Variants in CTNNA3 observed in about 807,000 individuals in gnomAD.
CTNNA3 encodes the protein catenin alpha 3, also known as catenin alpha-3.
In CTNNA3, 76 loss-of-function variants were observed where a neutral mutation model predicts 95.7. The observed-to-expected ratio is 0.79, with a 90% CI of 0.66 to 0.96. CTNNA3 has a LOEUF of 0.96. CTNNA3 is among the 40% of genes least tolerant of loss of function. The pLI, the probability that CTNNA3 is intolerant of heterozygous loss-of-function variation, is 0.00. For missense variants in CTNNA3, 1,191 were observed against 1,089.8 expected (o/e 1.09, Z -1.31); for synonymous variants, 431 against 374.4 (o/e 1.15, Z -1.74).
At chr10:67,552,627 G>A (rs1026435451) in intron 3 of CTNNA3, among the ~76,000 whole-genome samples, 1 of 151,842 alleles carries the variant, frequency 6.6e-6, no homozygotes. Flanking sequence ...TAAGTATTAA[G>A]CCCAGCACCC....
intron 9 of CTNNA3, among the ~76,000 whole-genome samples, chr10:66,720,030 A>C (rs1233918184): frequency 6.6e-6 from 1 of 152,152 alleles, no homozygotes; most frequent in African/African-American, 2.4e-5. Flanking sequence ...TACATGTATG[A>C]ATGCATACAT....
chr10:66,616,208 T>A (rs1312829173), intron 10 of CTNNA3, among the ~76,000 whole-genome samples: 1 of 152,066 alleles, frequency 6.6e-6, no homozygotes, highest in Non-Finnish European at 1.5e-5. Flanking sequence ...AAGATTTGTT[T>A]GTGCCCCCCA....
intron 5 of CTNNA3, among the ~76,000 whole-genome samples, chr10:67,239,365 TAAA>T (rs11330069): frequency 1.3e-4 from 18 of 142,848 alleles, no homozygotes; most frequent in Admixed American, 2.1e-4. Context: ...CTACACGTGA[TAAA>T]AAAAAAAAAA....
intron 3 of CTNNA3, among the ~76,000 whole-genome samples, chr10:67,580,295 C>G (rs1221535650): frequency 6.6e-6 from 1 of 152,146 alleles, no homozygotes; most frequent in Non-Finnish European, 1.5e-5. Flanking sequence ...TTTCCCAGCA[C>G]CATTTATTAA....
intron 13 of CTNNA3, among the ~76,000 whole-genome samples, chr10:66,133,429 T>G (rs1271017175): frequency 6.6e-6 from 1 of 151,442 alleles, no homozygotes; most frequent in East Asian, 1.9e-4. Flanking sequence ...ACATGAGAAT[T>G]GTTTGAATGG....
intron 15 of CTNNA3, among the ~76,000 whole-genome samples, chr10:66,061,338 A>C (rs2080194860): frequency 6.6e-6 from 1 of 152,216 alleles, no homozygotes; most frequent in South Asian, 2.1e-4. Flanking sequence ...AGTTTTATGT[A>C]AGTAATTTTT....
chr10:66,290,044 A>G (rs2091653199), intron 12 of CTNNA3, among the ~76,000 whole-genome samples: 1 of 152,048 alleles, frequency 6.6e-6, no homozygotes, highest in Non-Finnish European at 1.5e-5. Context: ...TGGAAGAATG[A>G]GAGGGTGGGT....
intron 7 of CTNNA3, among the ~76,000 whole-genome samples, chr10:66,878,207 T>C (rs1016957045): frequency 1.3e-5 from 2 of 152,166 alleles, no homozygotes; most frequent in African/African-American, 4.8e-5. Flanking sequence ...TTTCTCTGTA[T>C]ACTTGTTGAA....
intron 7 of CTNNA3, among the ~76,000 whole-genome samples, chr10:67,094,321 C>T (rs1414073453): frequency 6.6e-6 from 1 of 151,774 alleles, no homozygotes; most frequent in East Asian, 1.9e-4. Context: ...TTCCAGATAG[C>T]ATAGCCTTTT....
At chr10:66,055,064 C>CT (rs549340079) in intron 15 of CTNNA3, among the ~76,000 whole-genome samples, 4 of 152,070 alleles carry the variant, frequency 2.6e-5, no homozygotes, top group Non-Finnish European at 4.4e-5. Context: ...GTTCTCTATT[C>CT]TTTTCCATTG....
intron 7 of CTNNA3, among the ~76,000 whole-genome samples, chr10:67,145,100 G>A (rs530825789): frequency 4.7e-4 from 71 of 152,300 alleles, no homozygotes; most frequent in African/African-American, 1.6e-3. Context: ...CTCTGGAGCA[G>A]TCAGAACACA....
intron 7 of CTNNA3, among the ~76,000 whole-genome samples, chr10:67,004,902 A>C (rs549500269): frequency 6.6e-6 from 1 of 152,310 alleles, no homozygotes; most frequent in African/African-American, 2.4e-5. Context: ...CTCTAGTAGA[A>C]CGCAGTATTT....
At chr10:67,121,024 A>G (rs1464664381) in intron 7 of CTNNA3, among the ~76,000 whole-genome samples, 2 of 151,996 alleles carry the variant, frequency 1.3e-5, no homozygotes, top group South Asian at 2.1e-4. Flanking sequence ...ATCTCTTTCA[A>G]TTTTACCACA....
chr10:67,476,379 C>G (rs1285305119), intron 5 of CTNNA3, among the ~76,000 whole-genome samples: 2 of 152,052 alleles, frequency 1.3e-5, no homozygotes, highest in East Asian at 3.9e-4. Flanking sequence ...GTTCAGCAGC[C>G]AGAGACACCC....
intron 1 of CTNNA3, among the ~76,000 whole-genome samples, chr10:67,739,963 T>C (rs542345075): frequency 1.3e-3 from 204 of 152,158 alleles, no homozygotes; most frequent in African/African-American, 4.8e-3. Context: ...AACAGAGATA[T>C]AGATCAATGG....
At chr10:67,580,171 G>A (rs1842332673) in intron 3 of CTNNA3, among the ~76,000 whole-genome samples, 1 of 152,032 alleles carries the variant, frequency 6.6e-6, no homozygotes, top group Admixed American at 6.6e-5. Flanking sequence ...TTTCTTCTAG[G>A]GCTCTTATGG....
chr10:66,484,787 A>G (rs1839668845), intron 11 of CTNNA3, among the ~76,000 whole-genome samples: 1 of 152,046 alleles, frequency 6.6e-6, no homozygotes, highest in Non-Finnish European at 1.5e-5. Flanking sequence ...AAAAAAACAT[A>G]TATAGGCCAA....
intron 3 of CTNNA3, among the ~76,000 whole-genome samples, chr10:67,562,814 C>A (rs549791477): frequency 6.6e-6 from 1 of 152,032 alleles, no homozygotes; most frequent in Admixed American, 6.6e-5. Flanking sequence ...AATCAATGTG[C>A]AAAAGTCACA....
intron 13 of CTNNA3, among the ~76,000 whole-genome samples, chr10:66,274,094 A>T (rs902547988): frequency 3.9e-5 from 6 of 152,194 alleles, no homozygotes; most frequent in African/African-American, 9.7e-5. Context: ...AGGCAAGGTT[A>T]GTAAACTTTT....
Sources: allele counts gnomAD v4.1 joint callset (sites outside exome capture counted in the v4.1 genomes callset), GRCh38; gene constraint gnomAD v4.1.1; transcripts MANE v1.5; gene names NCBI Gene and HGNC (gene_info 2026-07-23, HGNC 2026-07-21).